JAM2: variants seen among roughly 807,000 people sequenced by gnomAD.
JAM2 encodes the protein junctional adhesion molecule B.
In JAM2, 17 loss-of-function variants were observed where a neutral mutation model predicts 42.0. The observed-to-expected ratio is 0.40, with a 90% confidence interval of 0.28 to 0.61. JAM2 has a LOEUF of 0.61. JAM2 is among the 20% of genes least tolerant of loss of function. The pLI is 0.37. For synonymous variants in JAM2, 118 were observed against 128.6 expected (o/e 0.92, Z 0.56); for missense variants, 319 against 358.3 (o/e 0.89, Z 0.89).
chr21:25,663,505 G>A (rs542657815), intron 1 of JAM2, among the ~76,000 whole-genome samples: 3 of 152,302 alleles, frequency 2.0e-5, no homozygotes, highest in African/African-American at 7.2e-5. Context: ...GGGCCTTTAA[G>A]AAGTGATCGA....
chr21:25,667,363 C>T (rs1319608392), intron 1 of JAM2, among the ~76,000 whole-genome samples: 1 of 152,184 alleles, frequency 6.6e-6, no homozygotes, highest in African/African-American at 2.4e-5. Context: ...TGCTACCTCA[C>T]GATGCCTGTT....
chr21:25,647,090 T>C (rs2032635854), intron 1 of JAM2, among the ~76,000 whole-genome samples: 1 of 152,246 alleles, frequency 6.6e-6, no homozygotes, highest in Admixed American at 6.5e-5. Flanking sequence ...CTGCTGTTTT[T>C]ACTCTTCGCT....
chr21:25,708,832 A>G (rs963040244), intron 7 of JAM2, among the ~76,000 whole-genome samples: 2 of 152,208 alleles, frequency 1.3e-5, no homozygotes, highest in South Asian at 4.1e-4. Context: ...TGACTTGAAT[A>G]TTAGGAGTTC....
At chr21:25,705,589 G>GCC (rs979397867) in intron 6 of JAM2, among the ~76,000 whole-genome samples, 2 of 152,136 alleles carry the variant, frequency 1.3e-5, no homozygotes, top group African/African-American at 4.8e-5. Flanking sequence ...AATTGACACA[G>GCC]TTGATGATGT....
intron 1 of JAM2, among the ~76,000 whole-genome samples, chr21:25,668,913 A>C (rs1034592988): frequency 3.3e-5 from 5 of 152,188 alleles, no homozygotes; most frequent in African/African-American, 9.7e-5. Flanking sequence ...GGATTGTGTC[A>C]ATTGAGGTAG....
chr21:25,709,411 G>T (rs747648033), intron 7 of JAM2, 23 bp from the exon 8 acceptor site: 1 of 1,291,980 alleles, frequency 7.7e-7, no homozygotes, highest in East Asian at 2.3e-5. Flanking sequence ...TTGCATTAAT[G>T]ATATATACTT....
intron 1 of JAM2, 53 bp from the exon 2 acceptor site, chr21:25,683,830 T>G: frequency 7.4e-7 from 1 of 1,345,378 alleles, no homozygotes; most frequent in South Asian, 1.2e-5. Flanking sequence ...TTCAGACATT[T>G]GAAAATGAAC....
At chr21:25,701,556 T>C (rs2034165967) in intron 5 of JAM2, among the ~76,000 whole-genome samples, 1 of 152,126 alleles carries the variant, frequency 6.6e-6, no homozygotes, top group African/African-American at 2.4e-5. Flanking sequence ...ATTATATCAA[T>C]CTTAGCTTTT....
At chr21:25,687,281 C>A (rs1190371088) in intron 2 of JAM2, among the ~76,000 whole-genome samples, 1 of 152,072 alleles carries the variant, frequency 6.6e-6, no homozygotes, top group Non-Finnish European at 1.5e-5. Flanking sequence ...ATCTTAGTGA[C>A]AACTTTGTAA....
At chr21:25,644,756 G>C (rs751645996) in intron 1 of JAM2, among the ~76,000 whole-genome samples, 1 of 152,218 alleles carries the variant, frequency 6.6e-6, no homozygotes, top group Non-Finnish European at 1.5e-5. Context: ...TATGCACAGC[G>C]ACAGTGTTTT....
At chr21:25,649,495 A>G (rs1194996483) in intron 1 of JAM2, among the ~76,000 whole-genome samples, 1 of 152,150 alleles carries the variant, frequency 6.6e-6, no homozygotes, top group Non-Finnish European at 1.5e-5. Flanking sequence ...CCATGATTCA[A>G]TTACCTGCCA....
rs1601024026 is a variant in JAM2, at chr21:25,677,976, G to A, written c.68-5907G>A. Among the ~76,000 whole-genome samples the A allele has an allele frequency of 2.0e-5, 3 of 152,298 alleles. No homozygotes were observed. The East Asian group carries it at 5.8e-4, about 29-fold the overall frequency. On this transcript the variant is annotated intron_variant, in intron 1 of 9. Coordinates refer to ENST00000480456, the MANE Select transcript of JAM2 (RefSeq NM_021219.4). Reference sequence around the variant, plus strand: ...TGTCATCAAAAATAGGAGTAGGCCAGGCGCGGTGGCACTTTGGCAGGCCGA... The same window carrying A: ...TGTCATCAAAAATAGGAGTAGGCCAAGCGCGGTGGCACTTTGGCAGGCCGA...
rs138111746 is a variant in JAM2 at position 25,714,960 on chromosome 21, T to C, written c.*288T>C. 4.2e-4 allele frequency: 109 copies of C among 261,810 alleles called. No individual in the cohort carries two copies. Among genetic ancestry groups the C allele is most frequent in the African/African-American group, 2.2e-3 (101 of 45,328 alleles). The allele number at this position is 261,810 out of a possible 1,614,324, so 16.2% of individuals were successfully genotyped here. ...GAAATGTTAACCACGTCCTAACTTC[T>C]AGAGAACGTTACTAAAATATAACAT... On this transcript the variant is annotated 3_prime_UTR_variant, in exon 10 of 10. Coordinates refer to ENST00000480456, the MANE Select transcript of JAM2 (RefSeq NM_021219.4).
chr21:25,656,228 TC>T (rs1382047232), intron 1 of JAM2, among the ~76,000 whole-genome samples: 1 of 152,188 alleles, frequency 6.6e-6, no homozygotes, highest in East Asian at 1.9e-4. Context: ...AAAATGTTTG[TC>T]TTGCATTTGT....
intron 1 of JAM2, among the ~76,000 whole-genome samples, chr21:25,656,135 C>G (rs1248378083): frequency 6.6e-6 from 1 of 151,750 alleles, no homozygotes. Context: ...AAATACTCAT[C>G]AGATGAATGC....
At chr21:25,678,209 G>A (rs1409041758) in intron 1 of JAM2, among the ~76,000 whole-genome samples, 1 of 152,150 alleles carries the variant, frequency 6.6e-6, no homozygotes, top group South Asian at 2.1e-4. Context: ...CTGGGCAATA[G>A]AGCGAGACTC....
At chr21:25,675,670 A>T (rs930697556) in intron 1 of JAM2, among the ~76,000 whole-genome samples, 1 of 152,024 alleles carries the variant, frequency 6.6e-6, no homozygotes, top group Non-Finnish European at 1.5e-5. Context: ...ACACACTTTT[A>T]AACAACCAGA....
intron 1 of JAM2, among the ~76,000 whole-genome samples, chr21:25,649,434 A>G (rs1009578466): frequency 7.2e-5 from 11 of 152,324 alleles, no homozygotes; most frequent in Non-Finnish European, 1.0e-4. Context: ...ATCAGATCTC[A>G]TAAGAGCTCA....
At chr21:25,676,193 C>A (rs535698799) in intron 1 of JAM2, among the ~76,000 whole-genome samples, 2 of 144,554 alleles carry the variant, frequency 1.4e-5, no homozygotes, top group East Asian at 4.2e-4. Context: ...GAGGCTGAGG[C>A]AGGAGAATCA....
Sources: gnomAD v4.1 joint callset for allele counts (sites outside exome capture counted in the v4.1 genomes callset) on GRCh38, gnomAD v4.1.1 for gene constraint, MANE v1.5 for transcripts, NCBI Gene and HGNC (gene_info 2026-07-23, HGNC 2026-07-21) for gene names.